AKAP13: variants seen among roughly 807,000 people sequenced by gnomAD.
AKAP13 encodes the protein A-kinase anchoring protein 13.
A neutral mutation model predicts 264.5 loss-of-function variants in AKAP13; 80 were observed. That is an observed-to-expected ratio of 0.30 (90% confidence interval 0.25 to 0.36). The LOEUF is 0.36. AKAP13 is among the 10% of genes least tolerant of loss of function. The probability of loss-of-function intolerance (pLI) is 1.00; values close to 1 mark genes in which losing one functional copy is unlikely to be tolerated. For synonymous variants in AKAP13, 1,380 were observed against 1,250.2 expected (o/e 1.10, Z -2.19); for missense variants, 3,712 against 3,435.2 (o/e 1.08, Z -2.01).
intron 1 of AKAP13, among the ~76,000 whole-genome samples, chr15:85,434,589 G>A (rs1371920214): frequency 6.6e-6 from 1 of 151,884 alleles, no homozygotes; most frequent in Non-Finnish European, 1.5e-5. Flanking sequence ...GCTTTGAAGA[G>A]AGCAGTGGTT....
chr15:85,444,697 G>A (rs779598510), intron 1 of AKAP13, among the ~76,000 whole-genome samples: 43 of 152,308 alleles, frequency 2.8e-4, no homozygotes, highest in Admixed American at 2.2e-3. Context: ...AGAGGCTTTT[G>A]TGGGAAGGGG....
chr15:85,553,684 G>A (rs1230416578), intron 5 of AKAP13, among the ~76,000 whole-genome samples: 1 of 152,042 alleles, frequency 6.6e-6, no homozygotes, highest in Non-Finnish European at 1.5e-5. Context: ...TTAAATCAGG[G>A]GTCCCCACCG....
chr15:85,698,464 C>CAAAA (rs1485034953), intron 17 of AKAP13, among the ~76,000 whole-genome samples: 1 of 25,124 alleles, frequency 4.0e-5, no homozygotes, highest in African/African-American at 1.4e-4. Flanking sequence ...GACTCTGTCT[C>CAAAA]CAAAAAAAAA....
chr15:85,410,647 G>C (rs983869135), intron 1 of AKAP13, among the ~76,000 whole-genome samples: 3 of 151,438 alleles, frequency 2.0e-5, no homozygotes, highest in Non-Finnish European at 4.4e-5. Context: ...GCGACTCTCA[G>C]ATTTACCATC....
At chr15:85,396,679 G>A (rs1377781243) in intron 1 of AKAP13, among the ~76,000 whole-genome samples, 1 of 152,104 alleles carries the variant, frequency 6.6e-6, no homozygotes, top group Non-Finnish European at 1.5e-5. Flanking sequence ...AACAAGGCAC[G>A]ATAGGTTTCC....
intron 16 of AKAP13, among the ~76,000 whole-genome samples, chr15:85,690,722 A>G (rs1439698454): frequency 6.6e-6 from 1 of 152,238 alleles, no homozygotes; most frequent in Non-Finnish European, 1.5e-5. Context: ...TGTGCTGATC[A>G]TCTGTTGTGT....
chr15:85,677,510 C>T (rs2084294412), intron 14 of AKAP13, among the ~76,000 whole-genome samples: 1 of 152,146 alleles, frequency 6.6e-6, no homozygotes, highest in Non-Finnish European at 1.5e-5. Context: ...AGATGTTCAT[C>T]TGTGGTGTTT....
At chr15:85,438,633 G>A (rs1160651188) in intron 1 of AKAP13, among the ~76,000 whole-genome samples, 1 of 147,684 alleles carries the variant, frequency 6.8e-6, no homozygotes, top group Non-Finnish European at 1.5e-5. Context: ...TAGATCAATG[G>A]AACAGAACAG....
intron 2 of AKAP13, among the ~76,000 whole-genome samples, chr15:85,499,225 G>A (rs1426358885): frequency 1.3e-5 from 2 of 152,122 alleles, no homozygotes; most frequent in Non-Finnish European, 2.9e-5. Flanking sequence ...ACAGGGTTGG[G>A]TATCTCTTTG....
intron 5 of AKAP13, among the ~76,000 whole-genome samples, chr15:85,546,411 G>A (rs1352696717): frequency 1.3e-5 from 2 of 151,184 alleles, no homozygotes; most frequent in Non-Finnish European, 2.9e-5. Flanking sequence ...TGGACAATGT[G>A]GTATATTCAT....
chr15:85,741,725 C>CAAAAA (rs1329514937), intron 35 of AKAP13, among the ~76,000 whole-genome samples: 1 of 80,916 alleles, frequency 1.2e-5, no homozygotes. Context: ...AACAAACAAA[C>CAAAAA]AAACAAAAAA....
intron 16 of AKAP13, among the ~76,000 whole-genome samples, chr15:85,685,648 C>T (rs937944740): frequency 3.3e-5 from 5 of 152,084 alleles, no homozygotes; most frequent in African/African-American, 9.7e-5. Flanking sequence ...GTTGTGCCAT[C>T]GTGCTGAGCT....
chr15:85,523,897 T>TCC (rs1025403433), intron 3 of AKAP13, among the ~76,000 whole-genome samples: 15 of 151,934 alleles, frequency 9.9e-5, no homozygotes, highest in Non-Finnish European at 1.8e-4. Context: ...TACGATGATT[T>TCC]TTGTGTACCA....
rs148533552 is a variant in AKAP13, at chr15:85,710,149, G to A, written c.5533-430G>A. On this transcript the variant is annotated intron_variant, in intron 18 of 36. Transcript: ENST00000394518. ...CCCAATAATTTAGCACCTTATAAAT[G>A]CTAGTTACTGGAAATGAAATGCAAA... 3.2e-3 allele frequency among the ~76,000 whole-genome samples: 482 copies of A among 152,274 alleles called. 5 individuals carry two copies. The highest frequency in any genetic ancestry group is 0.011 in the African/African-American group (451 of 41,548).
At position 85,631,992 on chromosome 15, in the gene AKAP13, T is replaced by A. The variant is rs147072742; in HGVS notation, c.4162-7382T>A. ...CCCAATTGAAAATAGATTAGGAGAT[T>A]GCACCACAGAAGTGTAACATGTCAA... On this transcript the variant is annotated intron_variant, in intron 8 of 36. Transcript: ENST00000394518. 6.3e-3 allele frequency among the ~76,000 whole-genome samples: 957 copies of A among 152,278 alleles called. 10 individuals are homozygous for A. Among genetic ancestry groups the A allele is most frequent in the African/African-American group, 0.022 (900 of 41,564 alleles).
intron 1 of AKAP13, among the ~76,000 whole-genome samples, chr15:85,408,821 A>G (rs2071802126): frequency 6.6e-6 from 1 of 151,724 alleles, no homozygotes; most frequent in Admixed American, 6.5e-5. Context: ...CCCTGCTTTC[A>G]GTTCTTTGGC....
Position 85,639,388 on chromosome 15 carries a change from C to G in AKAP13, c.4176C>G (p.Asn1392Lys). The G allele has an allele frequency of 6.2e-7, 1 of 1,611,050 alleles. No homozygotes were observed. The highest frequency in any genetic ancestry group is 8.5e-7 in the Non-Finnish European group (1 of 1,178,746). Reference protein sequence around the residue: ...GPMTQAINRENWCTIEPCPDA... With the variant: ...GPMTQAINREKWCTIEPCPDA... Reference sequence around the variant, plus strand: ...TTTTCTTTCAGATAAACCGAGAAAACTGGTGTACAATAGAGCCATGCCCTG... The same window carrying G: ...TTTTCTTTCAGATAAACCGAGAAAAGTGGTGTACAATAGAGCCATGCCCTG... Residue 1392 changes from asparagine (N) to lysine (K), a missense_variant, in exon 9 of 37, where the codon AAC (asparagine) becomes AAG (lysine). Asn to Lys is a moderately conservative substitution (Grantham distance 94). This residue lies in a region of AKAP13 where 2,759 missense variants were observed against 2,411.7 expected (regional missense o/e 1.14). Transcript: ENST00000394518.
chr15:85,504,660 C>G (rs199697939), intron 2 of AKAP13, among the ~76,000 whole-genome samples: 2 of 147,688 alleles, frequency 1.4e-5, no homozygotes, highest in East Asian at 2.0e-4. Context: ...CCACTGTACT[C>G]CAGCCTGGGT....
intron 14 of AKAP13, among the ~76,000 whole-genome samples, chr15:85,674,748 C>G (rs1191767118): frequency 1.3e-5 from 2 of 152,030 alleles, no homozygotes; most frequent in Non-Finnish European, 2.9e-5. Flanking sequence ...AGTTAGGCAT[C>G]AGTGCTATTG....
Sources: gnomAD v4.1 joint callset for allele counts (sites outside exome capture counted in the v4.1 genomes callset) on GRCh38, gnomAD v4.1.1 for gene constraint, gnomAD v4.1.1 regional missense constraint, MANE v1.5 for transcripts, NCBI Gene and HGNC (gene_info 2026-07-23, HGNC 2026-07-21) for gene names.